UCHL1: variants seen among roughly 807,000 people sequenced by gnomAD.
The protein encoded by UCHL1 is ubiquitin carboxyl-terminal hydrolase isozyme L1.
A neutral mutation model predicts 33.3 loss-of-function variants in UCHL1; 5 were observed. The observed-to-expected ratio is 0.15, with a 90% CI of 0.08 to 0.32. The LOEUF (loss-of-function observed/expected upper bound fraction) is 0.32, where lower values mean the gene tolerates loss of function less well. Ranked by LOEUF, UCHL1 falls within the 10% of genes least tolerant of loss-of-function variation. The pLI is 1.00. For missense variants in UCHL1, 236 were observed against 280.0 expected, an observed-to-expected ratio of 0.84 and a Z score of 1.12; for synonymous variants, 132 against 108.8, an observed-to-expected ratio of 1.21 and a Z score of -1.33.
chr4:41,263,964 TCTTG>T (rs1340363177), intron 7 of UCHL1, 135 bp from the exon 8 acceptor site: 2 of 1,068,322 alleles, frequency 1.9e-6, no homozygotes, highest in Non-Finnish European at 2.9e-6. Context: ...ATTTGCAGCC[TCTTG>T]CTTCATAACC....
chr4:41,268,362 G>A lies in UCHL1; in HGVS notation c.*289G>A, dbSNP rs898564250. The A allele has an allele frequency of 1.3e-5, 6 of 474,122 alleles. No homozygotes were observed. Among genetic ancestry groups the A allele is most frequent in the African/African-American group, 1.9e-5 (1 of 51,446 alleles). 29.4% of individuals were successfully genotyped at this position (474,122 alleles called of 1,614,324 possible). A position where few individuals can be genotyped will look rare whatever the true frequency, so the allele number is the denominator to read the frequency against. ...TGGCTACTTTGGTTTCTGTCTGTAA[G>A]TTAAGACCTTGGATGTGGTTTAATT... is the stretch of plus-strand genomic sequence containing the variant. On this transcript the variant is annotated 3_prime_UTR_variant, in exon 9 of 9. Transcript: ENST00000284440.
intron 2 of UCHL1, 69 bp from the exon 3 acceptor site, chr4:41,257,540 C>T (rs1780998643): frequency 7.0e-7 from 1 of 1,418,500 alleles, no homozygotes; most frequent in Admixed American, 3.0e-5. Flanking sequence ...CCTCCTGGCC[C>T]CGCCCCCTGG....
Position 41,257,747 on chromosome 4 carries a change from G to T in UCHL1, c.174+10G>T. 1 of 1,570,192 alleles carries T rather than the reference G, an allele frequency of 6.4e-7. No homozygotes were observed. On this transcript the variant is annotated intron_variant, in intron 3 of 8. Coordinates refer to ENST00000284440, the MANE Select transcript of UCHL1 (RefSeq NM_004181.5). ...TCCCCTCACGGCCCAGGTAGGGCGTGGGGCCCAGGATGCGCCGGCCGCCGG... is the reference window on the plus strand; with the variant it reads ...TCCCCTCACGGCCCAGGTAGGGCGTTGGGCCCAGGATGCGCCGGCCGCCGG...
Position 41,256,949 on chromosome 4 carries a change from G to C in UCHL1, c.-28G>C, listed in dbSNP as rs201952662. 4.2e-5 allele frequency: 67 copies of C among 1,614,012 alleles called. No homozygotes were observed. The highest frequency in any genetic ancestry group is 5.3e-5 in the Non-Finnish European group (63 of 1,180,018). ...CGCTAGCTGTTTTTCGTCTTCCCTA[G>C]GCTATTTCTGCCGGGCGCTCCGCGA... On this transcript the variant is annotated 5_prime_UTR_variant, in exon 1 of 9. Coordinates refer to ENST00000284440, the MANE Select transcript of UCHL1 (RefSeq NM_004181.5).
chr4:41,264,859 C>T (rs1386308309), intron 8 of UCHL1, among the ~76,000 whole-genome samples: 2 of 152,178 alleles, frequency 1.3e-5, no homozygotes, highest in Non-Finnish European at 1.5e-5. Context: ...GAAAAATATA[C>T]AAACTGCTAT....
chr4:41,257,437 C>CT, intron 2 of UCHL1, 172 bp from the exon 3 acceptor site: 1 of 1,020,178 alleles, frequency 9.8e-7, no homozygotes, highest in Non-Finnish European at 1.3e-6. Context: ...GTGGGCCGCG[C>CT]TTTGTGCTGT....
At chr4:41,257,154 C>T (rs897911501) in intron 2 of UCHL1, 28 bp downstream of exon 2, 13 of 1,611,714 alleles carry the variant, frequency 8.1e-6, no homozygotes, top group Admixed American at 6.7e-5. Flanking sequence ...CCGTCTCTGG[C>T]CCCCTCCCCC....
chr4:41,262,658 G>A (rs1781091121), intron 6 of UCHL1, among the ~76,000 whole-genome samples: 1 of 151,418 alleles, frequency 6.6e-6, no homozygotes, highest in African/African-American at 2.4e-5. Context: ...GACAAGGTCA[G>A]CCTCCATTTC....
chr4:41,263,253 T>C lies in UCHL1; in HGVS notation c.488T>C (p.Ile163Thr), dbSNP rs1382798873. The change falls in exon 7 of 9, where the codon ATT becomes ACT. Residue 163 changes from isoleucine to threonine, a missense_variant. Coordinates refer to ENST00000284440, the MANE Select transcript of UCHL1 (RefSeq NM_004181.5). ...RVDDKVNFHF[I>T]LFNNVDGHLY... ...GATGACAAGGTGAATTTCCATTTTATTCTGTTTAACAACGTGGATGGCCAC... is the reference window on the plus strand; with the variant it reads ...GATGACAAGGTGAATTTCCATTTTACTCTGTTTAACAACGTGGATGGCCAC... The C allele has an allele frequency of 1.9e-6, 3 of 1,614,068 alleles. No homozygotes were observed. The highest frequency in any genetic ancestry group is 2.5e-6 in the Non-Finnish European group (3 of 1,180,026).
intron 3 of UCHL1, among the ~76,000 whole-genome samples, chr4:41,258,212 T>G (rs1781015490): frequency 6.6e-6 from 1 of 152,210 alleles, no homozygotes; most frequent in Non-Finnish European, 1.5e-5. Flanking sequence ...TCCGCCTCCA[T>G]TACTTGGGTT....
intron 3 of UCHL1, 124 bp from the exon 4 acceptor site, chr4:41,260,523 C>A: frequency 8.1e-7 from 1 of 1,241,092 alleles, no homozygotes; most frequent in Non-Finnish European, 1.1e-6. Context: ...CAGCCAACAT[C>A]TAGAACCAGG....
Position 41,263,393 on chromosome 4 carries a change from A to G in UCHL1, c.526+102A>G, listed in dbSNP as rs143313441. 5.0e-5 allele frequency: 57 copies of G among 1,148,316 alleles called. No homozygotes were observed. The African/African-American group carries it at 7.9e-4, about 16-fold the overall frequency. 71.1% of individuals were successfully genotyped at this position (1,148,316 alleles called of 1,614,324 possible). A position where few individuals can be genotyped will look rare whatever the true frequency, so the allele number is the denominator to read the frequency against. On this transcript the variant is annotated intron_variant, in intron 7 of 8. Coordinates refer to ENST00000284440, the MANE Select transcript of UCHL1 (RefSeq NM_004181.5). ...GTGACTTTATGGCACTTGGCATATC[A>G]TTGTTTATAAAGCCACAATAACAAA...
At position 41,257,143 on chromosome 4, in the gene UCHL1, G is replaced by A; in HGVS notation, c.45+17G>A. On this transcript the variant is annotated intron_variant, in intron 2 of 8. Coordinates refer to ENST00000284440, the MANE Select transcript of UCHL1 (RefSeq NM_004181.5). ...CTGAACAAAGTGAGTGGCGTCTCGC[G>A]CCGTCTCTGGCCCCCTCCCCCGCGA... The A allele has an allele frequency of 1.2e-6, 2 of 1,612,148 alleles. No individual in the cohort carries two copies. Among genetic ancestry groups the A allele is most frequent in the Non-Finnish European group, 1.7e-6 (2 of 1,179,834 alleles).
chr4:41,263,599 C>G (rs1053785092), intron 7 of UCHL1, among the ~76,000 whole-genome samples: 1 of 152,206 alleles, frequency 6.6e-6, no homozygotes, highest in South Asian at 2.1e-4. Context: ...CTTCTATTAA[C>G]TAGTTTATGG....
intron 8 of UCHL1, among the ~76,000 whole-genome samples, chr4:41,265,467 G>C (rs1781136827): frequency 6.6e-6 from 1 of 152,240 alleles, no homozygotes; most frequent in South Asian, 2.1e-4. Flanking sequence ...AGTCCCAGCT[G>C]CTTGGGAGGC....
chr4:41,257,048 C>T (rs759809182), intron 1 of UCHL1, 39 bp downstream of exon 1: 14 of 1,614,026 alleles, frequency 8.7e-6, no homozygotes, highest in Non-Finnish European at 1.2e-5. Flanking sequence ...GAGCGCGAGG[C>T]CGAGGGAGGG....
At chr4:41,262,532 C>A (rs10517002) in intron 6 of UCHL1, among the ~76,000 whole-genome samples, 89,724 of 151,786 alleles carry the variant, frequency 0.59, 26,708 homozygotes, top group East Asian at 0.79. Context: ...AATGAAATGC[C>A]CAACGAAGGA....
chr4:41,262,037 A>G, intron 6 of UCHL1, 114 bp downstream of exon 6: 1 of 1,425,604 alleles, frequency 7.0e-7, no homozygotes, highest in Non-Finnish European at 9.6e-7. Context: ...CCAAGGCCAA[A>G]TGACACCAGA....
chr4:41,260,603 T>C (rs202219109), intron 3 of UCHL1, 44 bp from the exon 4 acceptor site: 10 of 1,610,258 alleles, frequency 6.2e-6, no homozygotes, highest in South Asian at 4.4e-5. Flanking sequence ...ATCTGTTCTT[T>C]GCACTTTCAT....
Sources: gnomAD v4.1 joint callset for allele counts (sites outside exome capture counted in the v4.1 genomes callset) on GRCh38, gnomAD v4.1.1 for gene constraint, MANE v1.5 for transcripts, NCBI Gene and HGNC (gene_info 2026-07-23, HGNC 2026-07-21) for gene names.